The following SLCO1C1 variants were observed in gnomAD, a reference collection of about 807,000 sequenced individuals.
SLCO1C1 encodes OAT-RP-5.
Under a neutral mutation model 76.4 loss-of-function variants are expected in SLCO1C1, and 70 were observed. The observed-to-expected ratio is 0.92, with a 90% CI of 0.76 to 1.12. The LOEUF is 1.12. Ranked by LOEUF, SLCO1C1 falls within the 50% of genes most tolerant of loss-of-function variation. SLCO1C1 has a pLI of 0.00. For synonymous variants in SLCO1C1, 306 were observed against 286.1 expected (o/e 1.07, Z -0.70); for missense variants, 912 against 823.8 (o/e 1.11, Z -1.31).
intron 7 of SLCO1C1, among the ~76,000 whole-genome samples, chr12:20,720,852 C>A (rs1451303284): frequency 6.6e-6 from 1 of 151,976 alleles, no homozygotes; most frequent in African/African-American, 2.4e-5. Context: ...ACAAAATTAG[C>A]CGGGCGTGGT....
chr12:20,733,258 C>G (rs79844033), intron 10 of SLCO1C1, among the ~76,000 whole-genome samples, 154 bp downstream of exon 10: 2 of 152,112 alleles, frequency 1.3e-5, no homozygotes, highest in Non-Finnish European at 2.9e-5. Context: ...TACCTAGAAT[C>G]TGTTATTGTC....
At chr12:20,697,061 T>C (rs1946300884) in intron 1 of SLCO1C1, 2 of 152,098 alleles carry the variant, frequency 1.3e-5, no homozygotes, top group African/African-American at 4.8e-5. Flanking sequence ...TAAAATGTGC[T>C]ATAGTATCTC....
intron 12 of SLCO1C1, among the ~76,000 whole-genome samples, chr12:20,741,774 T>A (rs1303775504): frequency 1.3e-5 from 2 of 152,170 alleles, no homozygotes; most frequent in African/African-American, 4.8e-5. Context: ...GCTTTAGCTT[T>A]GCAAATATTT....
At chr12:20,698,209 C>A (rs1565494154) in intron 1 of SLCO1C1, among the ~76,000 whole-genome samples, 1 of 151,664 alleles carries the variant, frequency 6.6e-6, no homozygotes, top group East Asian at 1.9e-4. Context: ...TGTTTTTTGT[C>A]TTGATTAACA....
intron 10 of SLCO1C1, among the ~76,000 whole-genome samples, chr12:20,733,840 G>C (rs1948411038): frequency 6.6e-6 from 1 of 152,084 alleles, no homozygotes; most frequent in African/African-American, 2.4e-5. Context: ...CTCAATACAA[G>C]GTTGAATCTT....
At chr12:20,729,463 G>A (rs1049568851) in intron 9 of SLCO1C1, among the ~76,000 whole-genome samples, 1 of 152,092 alleles carries the variant, frequency 6.6e-6, no homozygotes, top group East Asian at 1.9e-4. Flanking sequence ...GGGTTTGGTT[G>A]GAGGGTGCGA....
chr12:20,729,904 G>A (rs1346710284), intron 9 of SLCO1C1, among the ~76,000 whole-genome samples: 1 of 152,058 alleles, frequency 6.6e-6, no homozygotes, highest in Non-Finnish European at 1.5e-5. Context: ...CCACCAAAAA[G>A]AGGTAAATCA....
intron 5 of SLCO1C1, among the ~76,000 whole-genome samples, chr12:20,713,595 T>TTTC: frequency 6.6e-6 from 1 of 152,262 alleles, no homozygotes; most frequent in South Asian, 2.1e-4. Context: ...TTAGACATAG[T>TTTC]GGACACAAGA....
At chr12:20,737,306 T>C (rs756401201) in intron 11 of SLCO1C1, 34 bp downstream of exon 11, 1 of 1,532,392 alleles carries the variant, frequency 6.5e-7, no homozygotes, top group South Asian at 1.3e-5. Flanking sequence ...ATGGCGATGG[T>C]CCTGTTACAA....
chr12:20,712,803 G>A (rs1344983548), intron 5 of SLCO1C1, among the ~76,000 whole-genome samples: 1 of 152,078 alleles, frequency 6.6e-6, no homozygotes, highest in Non-Finnish European at 1.5e-5. Context: ...ATGGAAATGT[G>A]GAAGGGGAAG....
At chr12:20,732,761 CTCA>C in intron 9 of SLCO1C1, 145 bp from the exon 10 acceptor site, 3 of 780,906 alleles carry the variant, frequency 3.8e-6, no homozygotes, top group Non-Finnish European at 6.0e-6. Flanking sequence ...AACCTAGATA[CTCA>C]TCATACACTC....
At position 20,704,822 on chromosome 12, in the gene SLCO1C1, A is replaced by G. The variant is rs565973713; in HGVS notation, c.272-1127A>G. 2.6e-5 allele frequency among the ~76,000 whole-genome samples: 4 copies of G among 152,100 alleles called. No homozygotes were observed. The East Asian group carries it at 7.7e-4, about 29-fold the overall frequency. On this transcript the variant is annotated intron_variant, in intron 3 of 14. Coordinates refer to ENST00000266509, the MANE Select transcript of SLCO1C1 (RefSeq NM_017435.5). ...AGCCATCACAATCAATTGCTGGGAA[A>G]TTGTTAAGATCTTACTGTATTTAGC...
Position 20,740,282 on chromosome 12 carries a change from A to G in SLCO1C1, c.1647A>G (p.Gln549=), listed in dbSNP as rs780025393. Reference sequence around the variant, plus strand: ...GTCAGAAAGACAATGGATGTCCCCAAATGTTTCTGTATTTCCTTGTAATTT... The same window carrying G: ...GTCAGAAAGACAATGGATGTCCCCAGATGTTTCTGTATTTCCTTGTAATTT... ...GRCQKDNGCP[Q]MFLYFLVISV... is the part of the protein sequence containing the mutation. The change falls in exon 12 of 15, where the codon CAA becomes CAG. Residue 549 remains glutamine, a synonymous_variant. Coordinates refer to ENST00000266509, the MANE Select transcript of SLCO1C1 (RefSeq NM_017435.5). 11 of 1,613,780 alleles carry G rather than the reference A, an allele frequency of 6.8e-6. No homozygotes were observed. The highest frequency in any genetic ancestry group is 2.7e-5 in the African/African-American group (2 of 74,922).
intron 12 of SLCO1C1, among the ~76,000 whole-genome samples, chr12:20,741,202 GGTCCC>G (rs1231293635): frequency 7.9e-5 from 12 of 151,986 alleles, no homozygotes; most frequent in Non-Finnish European, 1.3e-4. Flanking sequence ...CCTCCCAAGA[GGTCCC>G]TCTCCCAACA....
intron 12 of SLCO1C1, among the ~76,000 whole-genome samples, chr12:20,741,717 T>A (rs1480099371): frequency 7.1e-6 from 1 of 141,670 alleles, no homozygotes; most frequent in African/African-American, 2.4e-5. Context: ...TAAAATAGTT[T>A]TGAAAATAGA....
chr12:20,727,602 C>T (rs1447895006), intron 9 of SLCO1C1, among the ~76,000 whole-genome samples: 1 of 152,204 alleles, frequency 6.6e-6, no homozygotes, highest in Non-Finnish European at 1.5e-5. Flanking sequence ...CTCCGCCTCG[C>T]GGGTTCACGC....
rs556320088 is a variant in SLCO1C1, at chr12:20,748,649, T to C, written c.1799-2026T>C. On this transcript the variant is annotated intron_variant, in intron 13 of 14. Transcript: ENST00000266509. The stretch of plus-strand genomic sequence containing the variant: ...ACCACATATTGCATTTAGTTACCTT[T>C]CTTTATCTCCAAAAATTCCTCATTC... 4.6e-5 allele frequency among the ~76,000 whole-genome samples: 7 copies of C among 152,358 alleles called. No individual in the cohort carries two copies. In the South Asian group the frequency reaches 1.5e-3, roughly 32 times the overall value.
Position 20,706,081 on chromosome 12 carries a change from A to C in SLCO1C1, c.404A>C (p.Gln135Pro). 1 of 1,611,210 alleles carries C rather than the reference A, an allele frequency of 6.2e-7. No homozygotes were observed. The highest frequency in any genetic ancestry group is 8.5e-7 in the Non-Finnish European group (1 of 1,178,492). ...GCAATGCCTCAGTTCTTCATGGAGC[A>C]GTAAGTCTAAAGCAATCATCTTTTC... Reference protein sequence around the residue: ...LIAMPQFFMEQYKYERYSPSS... With the variant: ...LIAMPQFFMEPYKYERYSPSS... The change falls in exon 4 of 15, where the codon CAG becomes CCG. Residue 135 changes from glutamine to proline, a missense_variant and splice_region_variant. Physicochemically the swap from Gln to Pro is moderately conservative, Grantham distance 76. Coordinates refer to ENST00000266509, the MANE Select transcript of SLCO1C1 (RefSeq NM_017435.5).
intron 13 of SLCO1C1, among the ~76,000 whole-genome samples, chr12:20,743,666 A>ATG (rs1432191645): frequency 6.6e-6 from 1 of 152,108 alleles, no homozygotes; most frequent in African/African-American, 2.4e-5. Context: ...TTCTTACAAA[A>ATG]TCCATGGCTT....
Sources: allele counts gnomAD v4.1 joint callset (sites outside exome capture counted in the v4.1 genomes callset), GRCh38; gene constraint gnomAD v4.1.1; transcripts MANE v1.5; gene names NCBI Gene and HGNC (gene_info 2026-07-23, HGNC 2026-07-21).